The following CSMD1 variants were observed in gnomAD, a reference collection of about 807,000 sequenced individuals.
The protein encoded by CSMD1 is CUB and sushi domain-containing protein 1.
A neutral mutation model predicts 417.5 loss-of-function variants in CSMD1; 213 were observed. That is an observed-to-expected ratio of 0.51 (90% CI 0.46 to 0.57). CSMD1 has a LOEUF of 0.57. Ranked by LOEUF, CSMD1 falls within the 20% of genes least tolerant of loss-of-function variation. The probability of loss-of-function intolerance (pLI) is 0.00; values close to 1 mark genes in which losing one functional copy is unlikely to be tolerated. For missense variants in CSMD1, 6,923 were observed against 4,529.7 expected (o/e 1.53, Z -15.17); for synonymous variants, 2,862 against 1,736.8 (o/e 1.65, Z -16.11).
intron 1 of CSMD1, among the ~76,000 whole-genome samples, chr8:4,646,420 T>C (rs537388681): frequency 8.5e-5 from 13 of 152,288 alleles, no homozygotes; most frequent in African/African-American, 3.1e-4. Context: ...CTCAAGGTTG[T>C]GGCAGTGAAT....
chr8:3,422,959 T>C (rs1813590004), intron 12 of CSMD1, among the ~76,000 whole-genome samples: 1 of 152,166 alleles, frequency 6.6e-6, no homozygotes, highest in Non-Finnish European at 1.5e-5. Context: ...TTAAGCTCTT[T>C]ATTAAGGGTC....
chr8:4,347,524 T>A (rs367614257), intron 3 of CSMD1, among the ~76,000 whole-genome samples: 1 of 152,148 alleles, frequency 6.6e-6, no homozygotes, highest in Non-Finnish European at 1.5e-5. Context: ...CCAATGACAT[T>A]ACAGGATAAG....
intron 12 of CSMD1, among the ~76,000 whole-genome samples, chr8:3,440,933 G>C (rs542138840): frequency 6.6e-6 from 1 of 152,198 alleles, no homozygotes; most frequent in Non-Finnish European, 1.5e-5. Flanking sequence ...CCCAGACGTG[G>C]TGACTGTGAT....
At chr8:3,234,576 T>C (rs757395732) in intron 26 of CSMD1, among the ~76,000 whole-genome samples, 3 of 152,174 alleles carry the variant, frequency 2.0e-5, no homozygotes, top group East Asian at 3.9e-4. Context: ...GGAAGGCCAT[T>C]GCTGTACTTT....
At chr8:3,334,027 C>T (rs1197523398) in intron 23 of CSMD1, among the ~76,000 whole-genome samples, 2 of 152,134 alleles carry the variant, frequency 1.3e-5, no homozygotes, top group Admixed American at 6.5e-5. Flanking sequence ...ATGGACCCAT[C>T]GTGATGCCCT....
rs532486014 is a variant in CSMD1, at chr8:3,804,705, C to A, written c.819-50663G>T. Among the ~76,000 whole-genome samples the A allele has an allele frequency of 1.8e-4, 27 of 152,158 alleles. No homozygotes were observed. The South Asian group carries it at 4.6e-3, about 26-fold the overall frequency. On this transcript the variant is annotated intron_variant, in intron 5 of 69. Transcript: ENST00000635120. ...ATGTGAGTAGGAAGAAAAATGTAAA[C>A]ACATATATTTGTGTATGATATTTGC...
chr8:4,815,148 T>G (rs1452681533), intron 1 of CSMD1, among the ~76,000 whole-genome samples: 1 of 151,878 alleles, frequency 6.6e-6, no homozygotes, highest in Non-Finnish European at 1.5e-5. Context: ...TCAGGAAGAG[T>G]TGGAACGTGT....
At chr8:4,450,472 A>G (rs1175423596) in intron 2 of CSMD1, among the ~76,000 whole-genome samples, 1 of 152,114 alleles carries the variant, frequency 6.6e-6, no homozygotes, top group Non-Finnish European at 1.5e-5. Flanking sequence ...CTGAAAATAC[A>G]AAATTGACAA....
At chr8:4,309,630 G>A (rs1373223132) in intron 3 of CSMD1, among the ~76,000 whole-genome samples, 4 of 152,064 alleles carry the variant, frequency 2.6e-5, no homozygotes, top group African/African-American at 7.2e-5. Flanking sequence ...CCCTTGGGAA[G>A]GGGCATACTG....
At position 3,813,095 on chromosome 8, in the gene CSMD1, T is replaced by C. The variant is rs201441105; in HGVS notation, c.819-59053A>G. 8.4e-4 allele frequency among the ~76,000 whole-genome samples: 127 copies of C among 151,136 alleles called. 2 individuals carry two copies. In the East Asian group the frequency reaches 0.022, roughly 26 times the overall value. ...AGAAAATTCTATTTTAAGCTAGTTT[T>C]TTTTTTTTTTTTTTTAACTAGATGA... On this transcript the variant is annotated intron_variant, in intron 5 of 69. Coordinates refer to ENST00000635120, the MANE Select transcript of CSMD1 (RefSeq NM_033225.6).
intron 12 of CSMD1, among the ~76,000 whole-genome samples, chr8:3,418,897 G>A (rs1414710351): frequency 1.3e-5 from 2 of 152,232 alleles, no homozygotes; most frequent in East Asian, 1.9e-4. Context: ...AACAGCCAAG[G>A]TAGTAATGAG....
At chr8:4,962,654 A>G (rs750983590) in intron 1 of CSMD1, among the ~76,000 whole-genome samples, 10 of 152,184 alleles carry the variant, frequency 6.6e-5, no homozygotes, top group Non-Finnish European at 1.2e-4. Context: ...CAATTTATTC[A>G]GTGAAGAATA....
At chr8:4,194,126 C>A (rs909060222) in intron 3 of CSMD1, among the ~76,000 whole-genome samples, 2 of 152,172 alleles carry the variant, frequency 1.3e-5, no homozygotes, top group South Asian at 2.1e-4. Flanking sequence ...ACAAAGAATG[C>A]AGAATGATAA....
At chr8:4,189,436 T>C (rs1798884239) in intron 3 of CSMD1, among the ~76,000 whole-genome samples, 1 of 152,176 alleles carries the variant, frequency 6.6e-6, no homozygotes. Context: ...AAAAAAACAG[T>C]AGTCCAGCAA....
At chr8:4,945,146 C>T (rs186871008) in intron 1 of CSMD1, among the ~76,000 whole-genome samples, 56 of 152,230 alleles carry the variant, frequency 3.7e-4, no homozygotes, top group Middle Eastern at 3.4e-3. Flanking sequence ...TAGCCACCCA[C>T]AACAAGAGAA....
At chr8:3,476,718 G>C (rs969296600) in intron 11 of CSMD1, among the ~76,000 whole-genome samples, 1 of 151,918 alleles carries the variant, frequency 6.6e-6, no homozygotes, top group South Asian at 2.1e-4. Context: ...AGGAGTTCGA[G>C]ACCAGCCTGG....
chr8:3,985,961 T>C (rs901471817), intron 5 of CSMD1, among the ~76,000 whole-genome samples: 4 of 151,906 alleles, frequency 2.6e-5, no homozygotes, highest in African/African-American at 7.3e-5. Flanking sequence ...AGCCTAAAAG[T>C]TTCCCTGGCT....
intron 11 of CSMD1, among the ~76,000 whole-genome samples, chr8:3,476,042 G>A (rs894470078): frequency 3.9e-5 from 6 of 152,112 alleles, no homozygotes; most frequent in East Asian, 1.9e-4. Context: ...TCTAATCTAC[G>A]TGAAATACAT....
chr8:4,390,364 A>C (rs575703218), intron 3 of CSMD1, among the ~76,000 whole-genome samples: 19 of 152,300 alleles, frequency 1.2e-4, no homozygotes, highest in African/African-American at 4.6e-4. Context: ...CCACATTCCA[A>C]GCCTGGGAGA....
Sources: gnomAD v4.1 joint callset for allele counts (sites outside exome capture counted in the v4.1 genomes callset) on GRCh38, gnomAD v4.1.1 for gene constraint, MANE v1.5 for transcripts, NCBI Gene and HGNC (gene_info 2026-07-23, HGNC 2026-07-21) for gene names.